The following JAKMIP2 variants were observed in gnomAD, a reference collection of about 807,000 sequenced individuals.
The protein encoded by JAKMIP2 is janus kinase and microtubule-interacting protein 2.
In JAKMIP2, 25 loss-of-function variants were observed where a neutral mutation model predicts 115.0. That is an observed-to-expected ratio of 0.22 (90% CI 0.16 to 0.30). The LOEUF (loss-of-function observed/expected upper bound fraction) is 0.30. Among genes scored for constraint, JAKMIP2 ranks in the 10% least tolerant of loss-of-function variants. JAKMIP2 has a pLI of 1.00. For synonymous variants in JAKMIP2, 334 were observed against 343.6 expected, an observed-to-expected ratio of 0.97 and a Z score of 0.31; for missense variants, 642 against 957.6, an observed-to-expected ratio of 0.67 and a Z score of 4.35.
chr5:147,598,425 C>CTATCT (rs1554123558), intron 21 of JAKMIP2, among the ~76,000 whole-genome samples: 1 of 148,340 alleles, frequency 6.7e-6, no homozygotes, highest in African/African-American at 2.5e-5. Context: ...CTCTCATTTT[C>CTATCT]ATCTATCTAT....
chr5:147,632,067 G>T (rs1177635038), intron 13 of JAKMIP2, among the ~76,000 whole-genome samples: 1 of 152,136 alleles, frequency 6.6e-6, no homozygotes, highest in African/African-American at 2.4e-5. Flanking sequence ...TCCTAAGTCA[G>T]ATTCTGCAGG....
rs371452106 is a variant in JAKMIP2, at chr5:147,768,586, A to T, written c.-149+13870T>A. ...GTAGTAATTTACATAAAAATAAGTC[A>T]TGTGAGTTATTTTAACATTCATTAC... On this transcript the variant is annotated intron_variant, in intron 1 of 21. Coordinates refer to ENST00000616793, the MANE Select transcript of JAKMIP2 (RefSeq NM_001270941.2). Among the ~76,000 whole-genome samples, 8 of 152,280 alleles carry T rather than the reference A, an allele frequency of 5.3e-5. No homozygotes were observed. The East Asian group carries it at 1.5e-3, about 29-fold the overall frequency.
intron 12 of JAKMIP2, 120 bp downstream of exon 12, chr5:147,636,102 A>G (rs1757604550): frequency 1.4e-6 from 1 of 717,586 alleles, no homozygotes; most frequent in African/African-American, 1.8e-5. Context: ...AGGACAGAGC[A>G]GTGCCGGAAA....
At chr5:147,759,976 A>T (rs1754876412) in intron 1 of JAKMIP2, among the ~76,000 whole-genome samples, 1 of 152,056 alleles carries the variant, frequency 6.6e-6, no homozygotes, top group Non-Finnish European at 1.5e-5. Context: ...GATTTAGGGA[A>T]TGTTTTGAGG....
intron 1 of JAKMIP2, among the ~76,000 whole-genome samples, chr5:147,766,660 A>G (rs1401727494): frequency 6.6e-6 from 1 of 152,194 alleles, no homozygotes; most frequent in Non-Finnish European, 1.5e-5. Flanking sequence ...ATACAACAGC[A>G]GTACATGCCC....
At chr5:147,617,239 T>C (rs1405164132) in intron 19 of JAKMIP2, among the ~76,000 whole-genome samples, 1 of 152,190 alleles carries the variant, frequency 6.6e-6, no homozygotes, top group African/African-American at 2.4e-5. Context: ...CACACTGACC[T>C]TGGAGTTCAG....
intron 1 of JAKMIP2, among the ~76,000 whole-genome samples, chr5:147,720,047 G>A (rs1753200535): frequency 6.6e-6 from 1 of 151,992 alleles, no homozygotes; most frequent in East Asian, 1.9e-4. Context: ...AGGCCTGGTG[G>A]TGACAAACTC....
At position 147,676,315 on chromosome 5, in the gene JAKMIP2, G is replaced by A. The variant is rs767708202; in HGVS notation, c.-148-4361C>T. On this transcript the variant is annotated intron_variant, in intron 1 of 21. Transcript: ENST00000616793. ...CACGCCACTGCGCTCCAGCCTGGGC[G>A]ACAGAGCGAGACTCCGTCTCAAAAA... Among the ~76,000 whole-genome samples, 4 of 152,278 alleles carry A rather than the reference G, an allele frequency of 2.6e-5. No homozygotes were observed. In the East Asian group the frequency reaches 7.8e-4, roughly 30 times the overall value.
chr5:147,762,290 T>A (rs969648124), intron 1 of JAKMIP2, among the ~76,000 whole-genome samples: 4 of 152,174 alleles, frequency 2.6e-5, no homozygotes, highest in African/African-American at 9.6e-5. Context: ...CTTATTTTTT[T>A]ATAGTTACAT....
rs1481738672 is a variant in JAKMIP2, at chr5:147,601,794, C to A, written c.2430G>T (p.Leu810Phe). 6 of 1,458,618 alleles carry A rather than the reference C, an allele frequency of 4.1e-6. No homozygotes were observed. The Admixed American group carries it at 8.3e-5, about 20-fold the overall frequency. The allele number at this position is 1,458,618 out of a possible 1,614,324, so 90.4% of individuals were successfully genotyped here. Reference sequence around the variant, plus strand: ...ATAGAATAAAGGCAAGAGAGAAGAACAAGAATAGAAACAGAAACTGCAGAA... The same window carrying A: ...ATAGAATAAAGGCAAGAGAGAAGAAAAAGAATAGAAACAGAAACTGCAGAA... ...DLEEKFLFLF[L>F]FFSLAFILWP The change falls in exon 21 of 22, where the codon TTG becomes TTT. Residue 810 changes from leucine to phenylalanine, a missense_variant. Coordinates refer to ENST00000616793, the MANE Select transcript of JAKMIP2 (RefSeq NM_001270941.2).
At chr5:147,597,751 T>C (rs922097456) in intron 21 of JAKMIP2, among the ~76,000 whole-genome samples, 2 of 152,216 alleles carry the variant, frequency 1.3e-5, no homozygotes, top group African/African-American at 4.8e-5. Flanking sequence ...CAATGAGTCG[T>C]TGCTATGGCT....
At chr5:147,732,978 T>C (rs577465566) in intron 1 of JAKMIP2, among the ~76,000 whole-genome samples, 3 of 152,240 alleles carry the variant, frequency 2.0e-5, no homozygotes, top group Admixed American at 2.0e-4. Context: ...AAGATCCTTA[T>C]AATGCTTACA....
At chr5:147,769,869 T>C (rs1366835449) in intron 1 of JAKMIP2, among the ~76,000 whole-genome samples, 1 of 152,122 alleles carries the variant, frequency 6.6e-6, no homozygotes, top group Non-Finnish European at 1.5e-5. Context: ...TATTTGGGTT[T>C]GTAGATGATT....
Position 147,640,771 on chromosome 5 carries a change from T to G in JAKMIP2, c.1334A>C (p.Glu445Ala). 1 of 1,612,996 alleles carries G rather than the reference T, an allele frequency of 6.2e-7. No individual in the cohort carries two copies. Among genetic ancestry groups the G allele is most frequent in the Non-Finnish European group, 8.5e-7 (1 of 1,179,088 alleles). Residue 445 changes from glutamate (E) to alanine (A), a missense_variant, in exon 9 of 22, where the codon GAG becomes GCG. Physicochemically the swap from Glu to Ala is moderately radical, Grantham distance 107. Around this residue, in one of 6 missense-constraint regions of JAKMIP2, gnomAD observed 439 missense variants for 570.9 expected, o/e 0.77. Transcript: ENST00000616793. ...IGYDEDSMDS[E>A]TSSMASFRTD... ...TCTAAATGAGGCCATGGATGATGTC[T>G]CTGAATCCATAGAGTCCTCATCATA...
At chr5:147,687,011 C>T (rs1760602205) in intron 1 of JAKMIP2, among the ~76,000 whole-genome samples, 1 of 152,008 alleles carries the variant, frequency 6.6e-6, no homozygotes, top group Non-Finnish European at 1.5e-5. Context: ...CCATTGTTTT[C>T]TTTTTGTATA....
At chr5:147,647,208 C>T (rs982817191) in intron 5 of JAKMIP2, among the ~76,000 whole-genome samples, 6 of 152,030 alleles carry the variant, frequency 3.9e-5, no homozygotes, top group African/African-American at 1.4e-4. Flanking sequence ...CTAAAAAAAT[C>T]TCTAAATGTT....
intron 1 of JAKMIP2, among the ~76,000 whole-genome samples, chr5:147,732,438 G>A (rs1044534035): frequency 2.0e-5 from 3 of 152,204 alleles, no homozygotes; most frequent in South Asian, 2.1e-4. Flanking sequence ...AGCTGCCAGC[G>A]TTCTATTCAC....
chr5:147,724,049 G>A (rs1753420625), intron 1 of JAKMIP2, among the ~76,000 whole-genome samples: 1 of 152,162 alleles, frequency 6.6e-6, no homozygotes, highest in Non-Finnish European at 1.5e-5. Context: ...AGACACTTCA[G>A]TGAGGACTTA....
chr5:147,743,527 A>G (rs1040391205), intron 1 of JAKMIP2, among the ~76,000 whole-genome samples: 2 of 152,218 alleles, frequency 1.3e-5, no homozygotes, highest in Non-Finnish European at 2.9e-5. Context: ...TTTGACACAC[A>G]GAAACCTGGA....
Sources: allele counts gnomAD v4.1 joint callset (sites outside exome capture counted in the v4.1 genomes callset), GRCh38; gene constraint gnomAD v4.1.1; regional missense constraint gnomAD v4.1.1; transcripts MANE v1.5; gene names NCBI Gene and HGNC (gene_info 2026-07-23, HGNC 2026-07-21).